TENM3: variants seen among roughly 807,000 people sequenced by gnomAD.
TENM3 encodes the protein teneurin transmembrane protein 3.
Under a neutral mutation model 255.1 loss-of-function variants are expected in TENM3, and 63 were observed. The ratio of observed to expected loss-of-function variants is 0.25; its 90% CI spans 0.20 to 0.30. The LOEUF (loss-of-function observed/expected upper bound fraction) is 0.30, where lower values mean the gene tolerates loss of function less well. Ranked by LOEUF, TENM3 falls within the 10% of genes least tolerant of loss-of-function variation. The pLI is 1.00. For synonymous variants in TENM3, 1,306 were observed against 1,322.3 expected, an observed-to-expected ratio of 0.99 and a Z score of 0.27; for missense variants, 2,929 against 3,461.1, an observed-to-expected ratio of 0.85 and a Z score of 3.86.
chr4:182,053,352 T>C, the TENM3 span, among the ~76,000 whole-genome samples: 1 of 152,292 alleles, frequency 6.6e-6, no homozygotes, highest in African/African-American at 2.4e-5. Context: ...GTTGATAAAT[T>C]AACAAATGCC....
At chr4:182,242,517 T>C (rs1448333804), upstream of TENM3, among the ~76,000 whole-genome samples, 1 of 152,102 alleles carries the variant, frequency 6.6e-6, no homozygotes, top group East Asian at 1.9e-4. Flanking sequence ...CCCCAGCCCT[T>C]TGGGAGGCTG....
intron 7 of TENM3, among the ~76,000 whole-genome samples, chr4:182,679,163 C>CA (rs2152563466): frequency 1.3e-5 from 2 of 151,986 alleles, no homozygotes; most frequent in South Asian, 4.2e-4. Context: ...ACCTATGTAA[C>CA]AAACCAGCAC....
chr4:182,493,421 C>T (rs1006196623), intron 3 of TENM3, among the ~76,000 whole-genome samples: 6 of 152,146 alleles, frequency 3.9e-5, no homozygotes, highest in African/African-American at 1.4e-4. Flanking sequence ...TGACCCAGTA[C>T]GTGTGCCAAT....
At chr4:181,584,565 T>C in the TENM3 span, among the ~76,000 whole-genome samples, 1 of 152,216 alleles carries the variant, frequency 6.6e-6, no homozygotes, top group East Asian at 1.9e-4. Context: ...CTTTAAAATA[T>C]CCAACTAAAA....
chr4:181,582,200 G>A, the TENM3 span, among the ~76,000 whole-genome samples: 4,334 of 152,248 alleles, frequency 0.028, 92 homozygotes, highest in Non-Finnish European at 0.043. Flanking sequence ...TCCAAGTCCT[G>A]GTGACTGTTT....
At chr4:182,504,227 T>C (rs1736597869) in intron 3 of TENM3, among the ~76,000 whole-genome samples, 1 of 151,996 alleles carries the variant, frequency 6.6e-6, no homozygotes, top group African/African-American at 2.4e-5. Context: ...CCCTGATGAA[T>C]CTGCATCCAT....
intron 3 of TENM3, among the ~76,000 whole-genome samples, chr4:182,357,149 G>A (rs954576748): frequency 2.0e-5 from 3 of 151,982 alleles, no homozygotes; most frequent in African/African-American, 4.8e-5. Context: ...CCAAGTCTTT[G>A]CTATTGTGAA....
chr4:182,069,052 C>A, the TENM3 span, among the ~76,000 whole-genome samples: 5 of 151,920 alleles, frequency 3.3e-5, no homozygotes, highest in African/African-American at 9.7e-5. Context: ...ATTAGAAAAT[C>A]TCAGCTTGTG....
intron 3 of TENM3, among the ~76,000 whole-genome samples, chr4:182,460,952 T>G (rs1774277915): frequency 1.3e-5 from 2 of 152,226 alleles, no homozygotes; most frequent in Admixed American, 6.5e-5. Context: ...CAGCATTTGT[T>G]GAAAACCTAC....
chr4:182,044,507 T>C, the TENM3 span, among the ~76,000 whole-genome samples: 1 of 152,232 alleles, frequency 6.6e-6, no homozygotes, highest in Non-Finnish European at 1.5e-5. Flanking sequence ...GACAAAATAA[T>C]GTTTTCCAAA....
At chr4:182,643,328 A>C (rs1752475715) in intron 5 of TENM3, among the ~76,000 whole-genome samples, 1 of 152,240 alleles carries the variant, frequency 6.6e-6, no homozygotes, top group Non-Finnish European at 1.5e-5. Context: ...TATGTATAAC[A>C]TGATAGTTTG....
At chr4:182,461,368 A>G (rs1437181134) in intron 3 of TENM3, among the ~76,000 whole-genome samples, 5 of 152,212 alleles carry the variant, frequency 3.3e-5, no homozygotes, top group Admixed American at 2.0e-4. Context: ...TATGAAAAGT[A>G]TATTGGAGAA....
chr4:181,753,408 A>G, the TENM3 span, among the ~76,000 whole-genome samples: 5 of 152,226 alleles, frequency 3.3e-5, no homozygotes, highest in Non-Finnish European at 7.3e-5. Flanking sequence ...ACAGGCAGGC[A>G]GCAGGCTGTA....
At chr4:181,721,560 A>G in the TENM3 span, among the ~76,000 whole-genome samples, 2 of 22,166 alleles carry the variant, frequency 9.0e-5, no homozygotes, top group African/African-American at 1.2e-4. Context: ...AGATCGCGCC[A>G]CTGCACTCCA....
At chr4:182,154,713 C>T (rs111631755) in intron 1 of TENM3, among the ~76,000 whole-genome samples, 1 of 152,080 alleles carries the variant, frequency 6.6e-6, no homozygotes, top group South Asian at 2.1e-4. Flanking sequence ...AGCTTTTCCC[C>T]TGGTTAATAA....
chr4:182,742,067 A>G (rs947016407), intron 18 of TENM3, among the ~76,000 whole-genome samples: 4 of 152,218 alleles, frequency 2.6e-5, no homozygotes, highest in African/African-American at 9.7e-5. Context: ...ATGCCGCTCT[A>G]AAGTCAAAGC....
chr4:182,662,276 ATACT>A (rs1427425347), intron 6 of TENM3, among the ~76,000 whole-genome samples: 2 of 152,204 alleles, frequency 1.3e-5, no homozygotes, highest in African/African-American at 2.4e-5. Context: ...GTTGTGACAC[ATACT>A]TACTGATGAA....
chr4:181,987,911 G>A, the TENM3 span, among the ~76,000 whole-genome samples: 3 of 152,026 alleles, frequency 2.0e-5, no homozygotes, highest in Admixed American at 1.3e-4. Context: ...AGATGACATC[G>A]TTGGCACAAA....
the TENM3 span, among the ~76,000 whole-genome samples, chr4:182,075,344 A>G: frequency 6.6e-6 from 1 of 151,706 alleles, no homozygotes; most frequent in Admixed American, 6.6e-5. Flanking sequence ...GACTACAGGC[A>G]CATGTCACCA....
Sources: allele counts gnomAD v4.1 joint callset (sites outside exome capture counted in the v4.1 genomes callset), GRCh38; gene constraint gnomAD v4.1.1; transcripts MANE v1.5; gene names NCBI Gene and HGNC (gene_info 2026-07-23, HGNC 2026-07-21).